MDGA2: variants seen among roughly 807,000 people sequenced by gnomAD.
MDGA2 encodes the protein MAM domain containing glycosylphosphatidylinositol anchor 2, also known as MAM domain-containing glycosylphosphatidylinositol anchor protein 2.
Under a neutral mutation model 117.8 loss-of-function variants are expected in MDGA2, and 40 were observed. That is an observed-to-expected ratio of 0.34 (90% CI 0.26 to 0.44). The LOEUF is 0.44. MDGA2 is among the 20% of genes least tolerant of loss of function. MDGA2 has a pLI of 1.00. For missense variants in MDGA2, 1,123 were observed against 1,250.6 expected (o/e 0.90, Z 1.54); for synonymous variants, 452 against 439.0 (o/e 1.03, Z -0.37).
At chr14:47,276,077 C>A (rs1433720208) in intron 2 of MDGA2, among the ~76,000 whole-genome samples, 2 of 152,048 alleles carry the variant, frequency 1.3e-5, no homozygotes, top group African/African-American at 4.8e-5. Flanking sequence ...GCAGTGTAGA[C>A]ATGCAGTGGT....
At chr14:47,319,741 C>G (rs914646822) in intron 1 of MDGA2, among the ~76,000 whole-genome samples, 2 of 152,108 alleles carry the variant, frequency 1.3e-5, no homozygotes, top group Admixed American at 1.3e-4. Context: ...GAGAAACATA[C>G]TTTAAAGATT....
chr14:46,949,978 G>C (rs964508266), intron 9 of MDGA2, among the ~76,000 whole-genome samples: 1 of 151,688 alleles, frequency 6.6e-6, no homozygotes, highest in Non-Finnish European at 1.5e-5. Context: ...TTATAATGAA[G>C]AAAATGAGTA....
intron 2 of MDGA2, among the ~76,000 whole-genome samples, chr14:47,284,654 T>C (rs1292196502): frequency 6.6e-6 from 1 of 152,160 alleles, no homozygotes; most frequent in Non-Finnish European, 1.5e-5. Context: ...TCAGCCTTTA[T>C]GAGTCTGGAA....
intron 4 of MDGA2, among the ~76,000 whole-genome samples, chr14:47,140,765 G>A (rs2139189632): frequency 6.6e-6 from 1 of 152,140 alleles, no homozygotes; most frequent in South Asian, 2.1e-4. Context: ...TCATGACATT[G>A]GTCTGGGGAC....
chr14:47,081,195 A>C (rs900788508), intron 6 of MDGA2, among the ~76,000 whole-genome samples: 1 of 152,058 alleles, frequency 6.6e-6, no homozygotes, highest in Non-Finnish European at 1.5e-5. Context: ...ACTCATAAAC[A>C]ACTCTTTCTC....
Position 47,097,138 on chromosome 14 carries a change from C to G in MDGA2, c.926-15G>C. On this transcript the variant is annotated splice_polypyrimidine_tract_variant and intron_variant, in intron 5 of 16. Coordinates refer to ENST00000399232, the MANE Select transcript of MDGA2 (RefSeq NM_001113498.3). ...TGACGGTGATGCTAAAAGACATAAA[C>G]AGAAGAACGTGCACCTATTTAGATA... The G allele has an allele frequency of 1.2e-6, 2 of 1,608,112 alleles. No homozygotes were observed. The highest frequency in any genetic ancestry group is 1.7e-6 in the Non-Finnish European group (2 of 1,175,490).
At chr14:46,876,127 T>C (rs1344622702) in intron 12 of MDGA2, among the ~76,000 whole-genome samples, 3 of 151,482 alleles carry the variant, frequency 2.0e-5, no homozygotes, top group East Asian at 1.9e-4. Context: ...TATAATATTA[T>C]AACTAGTGTA....
chr14:47,321,801 T>C (rs1288844719), intron 1 of MDGA2, among the ~76,000 whole-genome samples: 1 of 152,210 alleles, frequency 6.6e-6, no homozygotes, highest in East Asian at 1.9e-4. Flanking sequence ...ACTTTTTGTC[T>C]GGAAAATTGC....
intron 3 of MDGA2, among the ~76,000 whole-genome samples, chr14:47,173,149 C>G (rs1033700658): frequency 3.9e-5 from 6 of 152,014 alleles, no homozygotes; most frequent in African/African-American, 1.2e-4. Context: ...TGGGACTATA[C>G]GAAAAGACCA....
At position 47,272,008 on chromosome 14, in the gene MDGA2, A is replaced by G. The variant is rs1888160971; in HGVS notation, c.420+29403T>C. Among the ~76,000 whole-genome samples the G allele has an allele frequency of 2.6e-5, 4 of 152,138 alleles. No homozygotes were observed. In the South Asian group the frequency reaches 8.3e-4, roughly 31 times the overall value. On this transcript the variant is annotated intron_variant, in intron 2 of 16. Transcript: ENST00000399232. ...ACGTTTTGCTTTTCCTTTACATGCT[A>G]TTATTTCATGAAAGTATCCTCAAGC...
rs537273167 is a variant in MDGA2 at position 46,866,390 on chromosome 14, T to C, written c.2752+7043A>G. Among the ~76,000 whole-genome samples the C allele has an allele frequency of 1.3e-3, 196 of 152,146 alleles. 3 individuals carry two copies. The highest frequency in any genetic ancestry group is 1.4e-3 in the Admixed American group (21 of 15,256). On this transcript the variant is annotated intron_variant, in intron 14 of 16. Transcript: ENST00000399232. ...TCCTTACACCTTATACAAAAATCAA[T>C]TAAAGATGGATTAAAGACTTAAACG...
chr14:47,219,788 CAA>C (rs1467146267), intron 2 of MDGA2, among the ~76,000 whole-genome samples: 2 of 151,822 alleles, frequency 1.3e-5, no homozygotes, highest in Non-Finnish European at 2.9e-5. Flanking sequence ...AAGCAAGAAA[CAA>C]GAGAATAGTC....
intron 2 of MDGA2, among the ~76,000 whole-genome samples, chr14:47,274,100 A>T (rs1014366219): frequency 2.6e-5 from 4 of 152,106 alleles, no homozygotes; most frequent in Non-Finnish European, 5.9e-5. Flanking sequence ...ACCCATTTAG[A>T]GTTTTACAAT....
chr14:47,376,812 A>G (rs1891489480), intron 1 of MDGA2, among the ~76,000 whole-genome samples: 1 of 152,130 alleles, frequency 6.6e-6, no homozygotes, highest in Non-Finnish European at 1.5e-5. Flanking sequence ...AAAATGCAGG[A>G]AAAAATGCAT....
intron 3 of MDGA2, among the ~76,000 whole-genome samples, chr14:47,178,922 T>A (rs1884589122): frequency 1.3e-5 from 2 of 152,074 alleles, no homozygotes; most frequent in Non-Finnish European, 2.9e-5. Context: ...CTTGTAGGTA[T>A]AAGAGAACAA....
chr14:47,651,249 TG>T (rs1897637514), intron 1 of MDGA2, among the ~76,000 whole-genome samples: 2 of 130,850 alleles, frequency 1.5e-5, no homozygotes, highest in Non-Finnish European at 3.6e-5. Flanking sequence ...TGTGTGTGTG[TG>T]TATACCCATA....
At chr14:47,230,142 C>T (rs939517012) in intron 2 of MDGA2, among the ~76,000 whole-genome samples, 1 of 151,926 alleles carries the variant, frequency 6.6e-6, no homozygotes, top group African/African-American at 2.4e-5. Flanking sequence ...ATTGCAAACA[C>T]TGCAGAGTAT....
intron 7 of MDGA2, among the ~76,000 whole-genome samples, chr14:47,044,755 TA>T (rs1393921885): frequency 2.0e-5 from 3 of 152,158 alleles, no homozygotes; most frequent in African/African-American, 7.2e-5. Flanking sequence ...AAGCCCACAT[TA>T]AAAACAAACA....
At chr14:47,431,067 G>A (rs1892788280) in intron 1 of MDGA2, among the ~76,000 whole-genome samples, 1 of 151,930 alleles carries the variant, frequency 6.6e-6, no homozygotes, top group Non-Finnish European at 1.5e-5. Context: ...AGGCAATATT[G>A]GTTAGCCCTG....
Sources: gnomAD v4.1 joint callset for allele counts (sites outside exome capture counted in the v4.1 genomes callset) on GRCh38, gnomAD v4.1.1 for gene constraint, MANE v1.5 for transcripts, NCBI Gene and HGNC (gene_info 2026-07-23, HGNC 2026-07-21) for gene names.